Variants in ESRP1 observed in about 807,000 individuals in gnomAD.
ESRP1 encodes the protein RNA-binding motif protein 35A.
ESRP1 carries 33 observed loss-of-function variants against 81.7 expected under a neutral mutation model. That is an observed-to-expected ratio of 0.40 (90% confidence interval 0.31 to 0.54). The LOEUF (loss-of-function observed/expected upper bound fraction) is 0.54, where lower values mean the gene tolerates loss of function less well. Ranked by LOEUF, ESRP1 falls within the 20% of genes least tolerant of loss-of-function variation. The probability of loss-of-function intolerance (pLI) is 0.41; values close to 1 mark genes in which losing one functional copy is unlikely to be tolerated. For synonymous variants in ESRP1, 320 were observed against 303.3 expected, an observed-to-expected ratio of 1.06 and a Z score of -0.57; for missense variants, 672 against 833.1, an observed-to-expected ratio of 0.81 and a Z score of 2.38.
intron 13 of ESRP1, among the ~76,000 whole-genome samples, chr8:94,690,276 A>ATTTT (rs373440584): frequency 0.047 from 2,905 of 61,228 alleles, 322 homozygotes; most frequent in Non-Finnish European, 0.066. Context: ...TGCCTGGCTA[A>ATTTT]TTTTTTTTTT....
intron 12 of ESRP1, among the ~76,000 whole-genome samples, chr8:94,677,359 A>G (rs1808687967): frequency 6.6e-6 from 1 of 152,178 alleles, no homozygotes; most frequent in South Asian, 2.1e-4. Flanking sequence ...TAACTCTTCT[A>G]TTGGGTATAA....
At chr8:94,678,891 CTTT>C (rs1256283366) in intron 13 of ESRP1, among the ~76,000 whole-genome samples, 2 of 152,078 alleles carry the variant, frequency 1.3e-5, no homozygotes, top group Non-Finnish European at 2.9e-5. Context: ...TTAAGTCTGT[CTTT>C]TTAGTTGTGT....
rs1427671085 is a variant in ESRP1 at position 94,641,268 on chromosome 8, C to T, written c.-51C>T. On this transcript the variant is annotated 5_prime_UTR_variant, in exon 1 of 16. Coordinates refer to ENST00000433389, the MANE Select transcript of ESRP1 (RefSeq NM_017697.4). ...ACAGGTTTTTTCGTTCTCACTTCCA[C>T]ACCACCTTACCGCCTCCCGACCCCC... The T allele has an allele frequency of 1.3e-6, 2 of 1,577,460 alleles. No homozygotes were observed. The highest frequency in any genetic ancestry group is 1.8e-5 in the Admixed American group (1 of 56,780).
intron 7 of ESRP1, 59 bp from the exon 8 acceptor site, chr8:94,664,868 C>CT (rs1324424212): frequency 2.1e-5 from 34 of 1,605,684 alleles, no homozygotes; most frequent in East Asian, 2.0e-4. Context: ...GATTTTCTAT[C>CT]TTTTTTTTCC....
chr8:94,675,262 T>C (rs1436337770), intron 12 of ESRP1, among the ~76,000 whole-genome samples: 4 of 152,238 alleles, frequency 2.6e-5, no homozygotes, highest in Non-Finnish European at 5.9e-5. Context: ...AAATAAGATG[T>C]ACCTTCTTAG....
chr8:94,699,237 T>C (rs1485630590), intron 15 of ESRP1, among the ~76,000 whole-genome samples: 1 of 152,194 alleles, frequency 6.6e-6, no homozygotes, highest in East Asian at 1.9e-4. Context: ...GTTTATATAT[T>C]TGGAGTCATG....
chr8:94,654,601 TTAGG>T (rs1275695513), intron 4 of ESRP1, among the ~76,000 whole-genome samples: 4 of 152,058 alleles, frequency 2.6e-5, no homozygotes, highest in Non-Finnish European at 5.9e-5. Flanking sequence ...GTAATATTTG[TTAGG>T]TAGGGATCTT....
At chr8:94,698,646 T>C (rs1809697707) in intron 15 of ESRP1, among the ~76,000 whole-genome samples, 1 of 152,222 alleles carries the variant, frequency 6.6e-6, no homozygotes, top group Admixed American at 6.5e-5. Flanking sequence ...ATTTGGGAAT[T>C]GATACTGGTT....
At chr8:94,641,509 G>GTT (rs1817586193) in intron 1 of ESRP1, 59 bp downstream of exon 1, 1 of 1,608,500 alleles carries the variant, frequency 6.2e-7, no homozygotes, top group South Asian at 1.1e-5. Flanking sequence ...TGTGGTAGAG[G>GTT]TTTGGGCGGG....
At chr8:94,677,154 G>A (rs1330938266) in intron 12 of ESRP1, among the ~76,000 whole-genome samples, 1 of 152,028 alleles carries the variant, frequency 6.6e-6, no homozygotes, top group Non-Finnish European at 1.5e-5. Context: ...TTTTCTATAC[G>A]CCCATATTTA....
intron 15 of ESRP1, among the ~76,000 whole-genome samples, chr8:94,704,165 G>A (rs1352675596): frequency 3.7e-5 from 5 of 135,408 alleles, no homozygotes; most frequent in Admixed American, 7.9e-5. Context: ...ATCTTCATGT[G>A]CTTCTGAGAC....
chr8:94,662,595 G>GC, intron 6 of ESRP1, 40 bp downstream of exon 6: 2 of 1,204,006 alleles, frequency 1.7e-6, no homozygotes, highest in South Asian at 3.0e-5. Context: ...TTTTTAACTT[G>GC]TTTTTTTTTT....
chr8:94,686,541 T>A (rs914658824), intron 13 of ESRP1, among the ~76,000 whole-genome samples: 2 of 152,210 alleles, frequency 1.3e-5, no homozygotes, highest in Non-Finnish European at 2.9e-5. Flanking sequence ...TCAAGGACAG[T>A]CTCCTTGTTA....
intron 15 of ESRP1, among the ~76,000 whole-genome samples, chr8:94,699,659 G>A (rs765525338): frequency 2.6e-5 from 4 of 152,000 alleles, no homozygotes; most frequent in Admixed American, 6.6e-5. Flanking sequence ...AAAAAGCATA[G>A]ATTACTGTGT....
intron 4 of ESRP1, among the ~76,000 whole-genome samples, chr8:94,657,465 C>T (rs1196950517): frequency 3.1e-5 from 3 of 97,876 alleles, no homozygotes; most frequent in African/African-American, 7.6e-5. Context: ...CCTATTGAGG[C>T]TGTGTGCGTG....
intron 4 of ESRP1, among the ~76,000 whole-genome samples, chr8:94,656,973 C>A (rs978755315): frequency 2.0e-5 from 3 of 152,192 alleles, no homozygotes; most frequent in East Asian, 3.8e-4. Flanking sequence ...CATAAAATTT[C>A]TCTCTGAATT....
chr8:94,699,524 C>T (rs79388961), intron 15 of ESRP1, among the ~76,000 whole-genome samples: 3,093 of 152,018 alleles, frequency 0.02, 96 homozygotes, highest in African/African-American at 0.069. Context: ...CATTTACCTC[C>T]GGCTACTCCG....
At chr8:94,700,984 T>TGTGTG (rs1491584337) in intron 15 of ESRP1, among the ~76,000 whole-genome samples, 2 of 138,834 alleles carry the variant, frequency 1.4e-5, no homozygotes, top group African/African-American at 5.6e-5. Context: ...TGTGTGTGTG[T>TGTGTG]TAAGAGGGCC....
chr8:94,679,006 A>T (rs1808756216), intron 13 of ESRP1, among the ~76,000 whole-genome samples: 3 of 152,180 alleles, frequency 2.0e-5, no homozygotes, highest in Non-Finnish European at 4.4e-5. Context: ...TATTTAGAAG[A>T]AATATTTGGA....
Sources: gnomAD v4.1 joint callset for allele counts (sites outside exome capture counted in the v4.1 genomes callset) on GRCh38, gnomAD v4.1.1 for gene constraint, MANE v1.5 for transcripts, NCBI Gene and HGNC (gene_info 2026-07-23, HGNC 2026-07-21) for gene names.